The following CFAP47 variants were observed in gnomAD, a reference collection of about 807,000 sequenced individuals.
CFAP47 encodes the protein cilia and flagella associated protein 47.
A neutral mutation model predicts 148.1 loss-of-function variants in CFAP47; 29 were observed. That is an observed-to-expected ratio of 0.20 (90% CI 0.15 to 0.27). The LOEUF is 0.27. Ranked by LOEUF, CFAP47 falls within the 10% of genes least tolerant of loss-of-function variation. The pLI, the probability that CFAP47 is intolerant of heterozygous loss-of-function variation, is 1.00. For missense variants in CFAP47, 1,872 were observed against 1,697.5 expected (o/e 1.10, Z -1.81); for synonymous variants, 664 against 577.3 (o/e 1.15, Z -2.15).
In CFAP47 at chrX:36,319,152, C is replaced by T. The variant is rs1361543136; in HGVS notation, c.8345-57C>T. 1.2e-5 allele frequency: 7 copies of T among 569,439 alleles called. No homozygotes were observed. In the Admixed American group the frequency reaches 2.7e-4, roughly 22 times the overall value. The allele number at this position is 569,439 out of a possible 1,213,427, so 46.9% of individuals were successfully genotyped here. ...TTTTATTCTATTTCCATCTCCACCG[C>T]TGTTTTTCTTCTTGAATGTGACATT... On this transcript the variant is annotated intron_variant, in intron 56 of 63. Coordinates refer to ENST00000378653, the MANE Select transcript of CFAP47 (RefSeq NM_001304548.2).
intron 49 of CFAP47, among the ~76,000 whole-genome samples, chrX:36,270,990 A>T (rs1279285392): frequency 1.8e-5 from 2 of 110,395 alleles, no homozygotes; most frequent in African/African-American, 6.6e-5. Context: ...CAGCCATGTA[A>T]TTTTGTTTTT....
intron 10 of CFAP47, among the ~76,000 whole-genome samples, chrX:35,970,311 T>G (rs1936470663): frequency 9.0e-6 from 1 of 111,390 alleles, no homozygotes; most frequent in South Asian, 3.7e-4. Flanking sequence ...ATTTCATAAG[T>G]TGTGAAGTTT....
At chrX:36,340,277 C>G (rs781965247) in intron 57 of CFAP47, among the ~76,000 whole-genome samples, 3 of 111,716 alleles carry the variant, frequency 2.7e-5, no homozygotes, top group African/African-American at 9.7e-5. Context: ...TATGTTTTGA[C>G]AGCAAGGAGT....
At chrX:36,114,003 A>G (rs1331243351) in intron 33 of CFAP47, among the ~76,000 whole-genome samples, 1 of 108,833 alleles carries the variant, frequency 9.2e-6, no homozygotes, top group South Asian at 4.0e-4. Context: ...GTAGAGATGG[A>G]GTTTCACCGC....
intron 49 of CFAP47, among the ~76,000 whole-genome samples, chrX:36,260,622 T>A (rs1940805797): frequency 8.9e-6 from 1 of 112,279 alleles, no homozygotes; most frequent in African/African-American, 3.2e-5. Context: ...ATATTAGACC[T>A]TTGTTGAATG....
rs555806042 is a variant in CFAP47 at position 35,964,732 on chromosome X, A to G, written c.1411-1833A>G. 5.4e-5 allele frequency among the ~76,000 whole-genome samples: 6 copies of G among 110,978 alleles called. No individual in the cohort carries two copies. The South Asian group carries it at 1.9e-3, about 35-fold the overall frequency. ...TTGGTTAGTTTTTCTGCCAGTTCAA[A>G]TCTGCTATTGAGTCCCTTAAGTAAA... On this transcript the variant is annotated intron_variant, in intron 8 of 63. Transcript: ENST00000378653.
intron 16 of CFAP47, among the ~76,000 whole-genome samples, 197 bp from the exon 17 acceptor site, chrX:35,991,624 T>C (rs1023653216): frequency 2.7e-5 from 3 of 110,577 alleles, no homozygotes; most frequent in Admixed American, 9.7e-5. Context: ...AAGTCCTGAT[T>C]TGTGATTTAT....
Position 35,944,969 on chromosome X carries a change from C to G in CFAP47, c.518-3345C>G, listed in dbSNP as rs759220017. On this transcript the variant is annotated intron_variant, in intron 3 of 63. Transcript: ENST00000378653. ...AGCCACTGCCACTTTCTTGGGAAAA[C>G]AAAACAAAAACAATTCAAAGCCCTT... Among the ~76,000 whole-genome samples the G allele has an allele frequency of 2.9e-4, 33 of 112,074 alleles. No individual in the cohort carries two copies. The South Asian group carries it at 7.7e-3, about 26-fold the overall frequency.
intron 56 of CFAP47, among the ~76,000 whole-genome samples, chrX:36,317,286 A>G (rs782660630): frequency 8.9e-6 from 1 of 112,146 alleles, no homozygotes; most frequent in East Asian, 2.8e-4. Context: ...CCAGAACCTA[A>G]AAATCCCTCC....
intron 60 of CFAP47, among the ~76,000 whole-genome samples, chrX:36,354,480 CAAAAAA>C (rs869120972): frequency 2.5e-5 from 1 of 40,549 alleles, no homozygotes; most frequent in Non-Finnish European, 5.1e-5. Context: ...GACTCTGTCT[CAAAAAA>C]AAAAAAAAAA....
chrX:36,243,311 G>A lies in CFAP47; in HGVS notation c.7332+6452G>A, dbSNP rs782557288. ...ATTACCAGCTAACAACATGATGATA[G>A]TATCAAAATTTCACATATCAGTACT... On this transcript the variant is annotated intron_variant, in intron 48 of 63. Transcript: ENST00000378653. Among the ~76,000 whole-genome samples, 171 of 110,182 alleles carry A rather than the reference G, an allele frequency of 1.6e-3. 1 individual carries two copies. Among genetic ancestry groups the A allele is most frequent in the African/African-American group, 5.1e-3 (156 of 30,468 alleles).
At chrX:36,051,564 A>G (rs1051795282) in intron 26 of CFAP47, among the ~76,000 whole-genome samples, 1 of 111,628 alleles carries the variant, frequency 9.0e-6, no homozygotes, top group Non-Finnish European at 1.9e-5. Flanking sequence ...GTATTTACCC[A>G]ATACCTGTCC....
intron 21 of CFAP47, among the ~76,000 whole-genome samples, chrX:36,004,521 A>C (rs1378627754): frequency 2.7e-5 from 3 of 111,324 alleles, no homozygotes; most frequent in Non-Finnish European, 5.6e-5. Flanking sequence ...CCATCACCTG[A>C]TAAATGGATG....
chrX:36,054,844 C>T (rs1454514821), intron 26 of CFAP47, among the ~76,000 whole-genome samples: 1 of 110,597 alleles, frequency 9.0e-6, no homozygotes. Context: ...GTGATCTTGG[C>T]TCACTGCAAG....
At chrX:36,138,513 T>C in intron 35 of CFAP47, 49 bp downstream of exon 35, 1 of 1,087,581 alleles carries the variant, frequency 9.2e-7, no homozygotes, top group Non-Finnish European at 1.2e-6. Context: ...TAAATTTCTT[T>C]TGATAGCTTG....
At chrX:36,319,475 CAT>C (rs782171431) in intron 57 of CFAP47, among the ~76,000 whole-genome samples, 168 bp downstream of exon 57, 716 of 105,159 alleles carry the variant, frequency 6.8e-3, no homozygotes, top group African/African-American at 0.022. Context: ...GATGGTAAAA[CAT>C]ATATATATAT....
chrX:36,341,896 C>T (rs1183132046), intron 57 of CFAP47, among the ~76,000 whole-genome samples: 1 of 108,990 alleles, frequency 9.2e-6, no homozygotes, highest in South Asian at 4.0e-4. Flanking sequence ...CATATTTTCC[C>T]GAGATGCTTA....
rs377151896 is a variant in CFAP47, at chrX:35,919,819, C to G, written c.20C>G (p.Ser7Cys). MNTQKG[S>C]LTINVHRGSL... The stretch of plus-strand genomic sequence containing the variant: ...GCAGCCATGAACACCCAAAAGGGTT[C>G]CCTCACCATAAACGTCCACAGAGGT... The change falls in exon 1 of 64, where the codon TCC (serine) becomes TGC (cysteine). Residue 7 changes from serine to cysteine, a missense_variant. Coordinates refer to ENST00000378653, the MANE Select transcript of CFAP47 (RefSeq NM_001304548.2). The G allele has an allele frequency of 2.2e-5, 26 of 1,204,277 alleles. No homozygotes were observed. In the East Asian group the frequency reaches 4.5e-4, roughly 21 times the overall value.
At chrX:36,336,186 CTCTGTCTG>C (rs782473183) in intron 57 of CFAP47, among the ~76,000 whole-genome samples, 3 of 107,173 alleles carry the variant, frequency 2.8e-5, no homozygotes, top group East Asian at 2.9e-4. Flanking sequence ...AACACATTCT[CTCTGTCTG>C]TCTGTCTGTC....
Sources: allele counts gnomAD v4.1 joint callset (sites outside exome capture counted in the v4.1 genomes callset), GRCh38; gene constraint gnomAD v4.1.1; transcripts MANE v1.5; gene names NCBI Gene and HGNC (gene_info 2026-07-23, HGNC 2026-07-21).